Variants in FILIP1 observed in about 807,000 individuals in gnomAD.
FILIP1 encodes the protein filamin A interacting protein 1, also known as filamin-A-interacting protein 1.
Under a neutral mutation model 102.1 loss-of-function variants are expected in FILIP1, and 61 were observed. That is an observed-to-expected ratio of 0.60 (90% CI 0.49 to 0.74). The LOEUF is 0.74. FILIP1 is among the 30% of genes least tolerant of loss of function. FILIP1 has a pLI of 0.00. For missense variants in FILIP1, 1,314 were observed against 1,441.2 expected (o/e 0.91, Z 1.43); for synonymous variants, 491 against 526.9 (o/e 0.93, Z 0.93).
chr6:75,410,384 A>AT (rs1196398419), intron 2 of FILIP1, among the ~76,000 whole-genome samples: 2 of 149,250 alleles, frequency 1.3e-5, no homozygotes, highest in African/African-American at 2.5e-5. Context: ...TAACTTCCAC[A>AT]TTTTTTTTGA....
intron 1 of FILIP1, among the ~76,000 whole-genome samples, chr6:75,439,367 A>G (rs988210352): frequency 3.0e-4 from 5 of 16,506 alleles, no homozygotes; most frequent in South Asian, 3.7e-3. Context: ...ACTCCGTCCA[A>G]AAAAAAAAAA....
At chr6:75,463,265 A>T (rs1779076197) in intron 1 of FILIP1, among the ~76,000 whole-genome samples, 1 of 152,158 alleles carries the variant, frequency 6.6e-6, no homozygotes, top group South Asian at 2.1e-4. Flanking sequence ...GGAAAGAAAA[A>T]ATTTCATATA....
At chr6:75,455,346 C>A (rs1319155423) in intron 1 of FILIP1, 2 of 123,646 alleles carry the variant, frequency 1.6e-5, no homozygotes, top group East Asian at 4.1e-4. Flanking sequence ...GACATCACAA[C>A]TTGAAAGACA....
intron 1 of FILIP1, among the ~76,000 whole-genome samples, chr6:75,416,586 C>CAAAA (rs35413915): frequency 7.7e-6 from 1 of 130,622 alleles, no homozygotes; most frequent in Non-Finnish European, 1.7e-5. Flanking sequence ...AGCCCCAATC[C>CAAAA]AAAAAAAAAA....
intron 2 of FILIP1, among the ~76,000 whole-genome samples, chr6:75,406,947 C>G (rs537531227): frequency 2.5e-4 from 38 of 151,990 alleles, no homozygotes; most frequent in Non-Finnish European, 5.4e-4. Flanking sequence ...TGTGAGCCAC[C>G]GCACCTGGCA....
intron 1 of FILIP1, among the ~76,000 whole-genome samples, chr6:75,474,445 G>A (rs1366166472): frequency 6.6e-6 from 1 of 152,202 alleles, no homozygotes; most frequent in Admixed American, 6.6e-5. Flanking sequence ...AGGACTGGAA[G>A]TGAAGGAGGA....
intron 4 of FILIP1, among the ~76,000 whole-genome samples, chr6:75,335,010 GA>G (rs1175804306): frequency 6.6e-6 from 1 of 152,148 alleles, no homozygotes; most frequent in Non-Finnish European, 1.5e-5. Context: ...ATTTGGGGAG[GA>G]AGAATGAAAT....
chr6:75,351,108 C>G (rs1372837515), intron 4 of FILIP1, among the ~76,000 whole-genome samples: 1 of 152,010 alleles, frequency 6.6e-6, no homozygotes, highest in East Asian at 1.9e-4. Context: ...CTCTTGTTGC[C>G]CAGGCTGGAG....
chr6:75,492,940 A>G (rs9343292), intron 1 of FILIP1, among the ~76,000 whole-genome samples: 15,688 of 152,262 alleles, frequency 0.1, 848 homozygotes, highest in Non-Finnish European at 0.11. Flanking sequence ...AAGGAGACAC[A>G]TGCAACAGCA....
At chr6:75,409,490 C>T (rs961452045) in intron 2 of FILIP1, among the ~76,000 whole-genome samples, 6 of 152,232 alleles carry the variant, frequency 3.9e-5, no homozygotes, top group Admixed American at 2.6e-4. Context: ...AAACTAACCA[C>T]GGGAAGAATT....
intron 6 of FILIP1, among the ~76,000 whole-genome samples, chr6:75,302,340 C>T (rs1349035233): frequency 6.6e-6 from 1 of 152,156 alleles, no homozygotes; most frequent in Non-Finnish European, 1.5e-5. Context: ...ACGTCATTCT[C>T]ACTGGTTTGT....
intron 1 of FILIP1, among the ~76,000 whole-genome samples, chr6:75,441,991 C>T (rs1265097111): frequency 6.6e-6 from 1 of 151,806 alleles, no homozygotes; most frequent in Admixed American, 6.5e-5. Flanking sequence ...CTCCTCACTT[C>T]CCAGACGGGG....
At position 75,312,287 on chromosome 6, in the gene FILIP1, C is replaced by T. The variant is rs1468100421; in HGVS notation, c.3435+110G>A. 6.7e-6 allele frequency: 7 copies of T among 1,045,294 alleles called. No individual in the cohort carries two copies. In the African/African-American group the frequency reaches 1.1e-4, roughly 17 times the overall value. 64.8% of individuals were successfully genotyped at this position (1,045,294 alleles called of 1,614,324 possible). On this transcript the variant is annotated intron_variant, in intron 5 of 5. Coordinates refer to ENST00000237172, the MANE Select transcript of FILIP1 (RefSeq NM_015687.5). Reference sequence around the variant, plus strand: ...TCTGGGAAGCATCTGTTGGTGGATTCAGGTAGCATGAGAAGCATGTGGCTG... The same window carrying T: ...TCTGGGAAGCATCTGTTGGTGGATTTAGGTAGCATGAGAAGCATGTGGCTG...
At chr6:75,300,277 T>C (rs1056326077) in intron 6 of FILIP1, among the ~76,000 whole-genome samples, 1 of 152,208 alleles carries the variant, frequency 6.6e-6, no homozygotes, top group Non-Finnish European at 1.5e-5. Flanking sequence ...CAGGAAGCTG[T>C]ACACCAAGTT....
intron 6 of FILIP1, among the ~76,000 whole-genome samples, chr6:75,301,889 C>A (rs1246951932): frequency 6.6e-6 from 1 of 152,148 alleles, no homozygotes; most frequent in East Asian, 1.9e-4. Context: ...ACCCTGATAT[C>A]TATCCTAAAT....
At chr6:75,340,133 A>G (rs1176222107) in intron 4 of FILIP1, among the ~76,000 whole-genome samples, 1 of 152,124 alleles carries the variant, frequency 6.6e-6, no homozygotes, top group African/African-American at 2.4e-5. Context: ...ATAAAATTTT[A>G]TATGGCTAAA....
intron 2 of FILIP1, among the ~76,000 whole-genome samples, chr6:75,381,870 T>C (rs1775915145): frequency 1.3e-5 from 2 of 152,206 alleles, no homozygotes; most frequent in African/African-American, 4.8e-5. Flanking sequence ...AAAGCTCAGA[T>C]AAAGTAAATA....
chr6:75,406,256 T>C (rs1171436520), intron 2 of FILIP1, among the ~76,000 whole-genome samples: 1 of 152,104 alleles, frequency 6.6e-6, no homozygotes, highest in Non-Finnish European at 1.5e-5. Context: ...GAGGTGTCGT[T>C]TTACCTCCAC....
intron 2 of FILIP1, among the ~76,000 whole-genome samples, chr6:75,372,680 A>G (rs1775579125): frequency 1.9e-5 from 1 of 51,868 alleles, no homozygotes; most frequent in African/African-American, 1.3e-4. Context: ...AAAGAAAGAA[A>G]GAAAGAGAAA....
Sources: allele counts gnomAD v4.1 joint callset (sites outside exome capture counted in the v4.1 genomes callset), GRCh38; gene constraint gnomAD v4.1.1; transcripts MANE v1.5; gene names NCBI Gene and HGNC (gene_info 2026-07-23, HGNC 2026-07-21).